The following CNTNAP2 variants were observed in gnomAD, a reference collection of about 807,000 sequenced individuals.
CNTNAP2 encodes contactin associated protein 2, also known as contactin-associated protein-like 2.
Under a neutral mutation model 155.2 loss-of-function variants are expected in CNTNAP2, and 98 were observed. That is an observed-to-expected ratio of 0.63 (90% CI 0.54 to 0.75). The LOEUF is 0.75. Among genes scored for constraint, CNTNAP2 ranks in the 30% least tolerant of loss-of-function variants. The pLI, the probability that CNTNAP2 is intolerant of heterozygous loss-of-function variation, is 0.00. For missense variants in CNTNAP2, 1,727 were observed against 1,688.1 expected (o/e 1.02, Z -0.40); for synonymous variants, 651 against 631.2 (o/e 1.03, Z -0.47).
chr7:146,875,235 C>G (rs58573270), intron 3 of CNTNAP2, among the ~76,000 whole-genome samples: 1 of 152,176 alleles, frequency 6.6e-6, no homozygotes, highest in South Asian at 2.1e-4. Flanking sequence ...ATTTGGTTCT[C>G]TACACAAACT....
chr7:146,859,580 G>A (rs1218452090), intron 3 of CNTNAP2, among the ~76,000 whole-genome samples: 6 of 151,998 alleles, frequency 3.9e-5, no homozygotes, highest in East Asian at 1.9e-4. Context: ...TCGCTTGAAC[G>A]CAGGAGGCAG....
chr7:148,283,114 C>A (rs1585240319), intron 21 of CNTNAP2, among the ~76,000 whole-genome samples: 2 of 149,782 alleles, frequency 1.3e-5, no homozygotes, highest in South Asian at 4.4e-4. Flanking sequence ...TGGCAGGCAC[C>A]TGTAAGCTCA....
At chr7:146,969,857 C>T (rs1373888779) in intron 3 of CNTNAP2, among the ~76,000 whole-genome samples, 2 of 152,100 alleles carry the variant, frequency 1.3e-5, no homozygotes, top group Admixed American at 6.6e-5. Context: ...GGTACCAAAA[C>T]AGAGATATAG....
At chr7:146,855,636 A>G (rs1216892997) in intron 3 of CNTNAP2, among the ~76,000 whole-genome samples, 5 of 151,790 alleles carry the variant, frequency 3.3e-5, no homozygotes, top group Non-Finnish European at 7.4e-5. Flanking sequence ...AAACGTATAT[A>G]TGGTTGAAGC....
At chr7:147,726,678 CT>C (rs1796650464) in intron 13 of CNTNAP2, among the ~76,000 whole-genome samples, 1 of 151,976 alleles carries the variant, frequency 6.6e-6, no homozygotes, top group Admixed American at 6.6e-5. Flanking sequence ...ATACTTCCCC[CT>C]TTAATCCCAG....
At chr7:146,502,273 T>C (rs1584953926) in intron 1 of CNTNAP2, among the ~76,000 whole-genome samples, 1 of 126,122 alleles carries the variant, frequency 7.9e-6, no homozygotes, top group South Asian at 2.3e-4. Context: ...CATATTTTCT[T>C]TATCCATTCA....
chr7:146,702,314 G>A (rs1255956341), intron 1 of CNTNAP2, among the ~76,000 whole-genome samples: 4 of 152,066 alleles, frequency 2.6e-5, no homozygotes, highest in African/African-American at 9.7e-5. Flanking sequence ...AAAAAATTAA[G>A]TATTCTATTA....
chr7:147,662,781 A>G (rs1269797052), intron 13 of CNTNAP2, among the ~76,000 whole-genome samples: 2 of 152,334 alleles, frequency 1.3e-5, no homozygotes, highest in East Asian at 3.9e-4. Context: ...TCTACAGGCT[A>G]GCTATTGGCC....
chr7:146,641,827 G>T (rs1799713434), intron 1 of CNTNAP2, among the ~76,000 whole-genome samples: 1 of 152,144 alleles, frequency 6.6e-6, no homozygotes, highest in Non-Finnish European at 1.5e-5. Flanking sequence ...GTCTATCAGT[G>T]AGCATATTAA....
In CNTNAP2 at chr7:146,605,159, A is replaced by G. The variant is rs116328411; in HGVS notation, c.98-169112A>G. Among the ~76,000 whole-genome samples, 739 of 150,638 alleles carry G rather than the reference A, an allele frequency of 4.9e-3. 20 individuals carry two copies. Among genetic ancestry groups the G allele is most frequent in the African/African-American group, 0.017 (681 of 41,250 alleles). On this transcript the variant is annotated intron_variant, in intron 1 of 23. Coordinates refer to ENST00000361727, the MANE Select transcript of CNTNAP2 (RefSeq NM_014141.6). Reference sequence around the variant, plus strand: ...CACTGTTTTTTAATAATTATTTTATATCCTTTCTAAACTGAAAGTTCCATG... The same window carrying G: ...CACTGTTTTTTAATAATTATTTTATGTCCTTTCTAAACTGAAAGTTCCATG...
At chr7:148,366,849 C>T (rs10277249) in intron 21 of CNTNAP2, among the ~76,000 whole-genome samples, 5 of 152,116 alleles carry the variant, frequency 3.3e-5, no homozygotes, top group Admixed American at 6.6e-5. Context: ...AACTTCAGGC[C>T]CTTCTTCAAA....
At chr7:147,760,242 C>G (rs200215772) in intron 13 of CNTNAP2, among the ~76,000 whole-genome samples, 2 of 149,346 alleles carry the variant, frequency 1.3e-5, no homozygotes, top group African/African-American at 5.0e-5. Context: ...TTGAGCTTCA[C>G]GGGAAAAAAA....
chr7:147,396,496 T>G, intron 10 of CNTNAP2, among the ~76,000 whole-genome samples: 1 of 152,034 alleles, frequency 6.6e-6, no homozygotes, highest in East Asian at 1.9e-4. Flanking sequence ...AAAATACACC[T>G]ATTAAAATAT....
intron 1 of CNTNAP2, among the ~76,000 whole-genome samples, chr7:146,471,633 CAAAT>C (rs1418711366): frequency 2.6e-5 from 4 of 152,178 alleles, no homozygotes; most frequent in Non-Finnish European, 5.9e-5. Flanking sequence ...GATTCAATAA[CAAAT>C]GAATGCTCAA....
chr7:148,387,518 C>T (rs1175535214), intron 22 of CNTNAP2, among the ~76,000 whole-genome samples: 1 of 152,154 alleles, frequency 6.6e-6, no homozygotes, highest in Non-Finnish European at 1.5e-5. Context: ...TAGATTATCT[C>T]ATCTGGTGCC....
chr7:147,377,068 G>A (rs4726851), intron 9 of CNTNAP2, among the ~76,000 whole-genome samples: 32,064 of 151,156 alleles, frequency 0.21, 4,240 homozygotes, highest in African/African-American at 0.35. Context: ...TTTCAGTATA[G>A]TATTTCTTAA....
At chr7:147,924,945 GTC>G (rs565979664) in intron 14 of CNTNAP2, among the ~76,000 whole-genome samples, 266 of 151,752 alleles carry the variant, frequency 1.8e-3, no homozygotes, top group African/African-American at 6.1e-3. Flanking sequence ...ATGAAATCCC[GTC>G]TCTACAAAAA....
chr7:146,782,977 C>T (rs1303382624), intron 2 of CNTNAP2, among the ~76,000 whole-genome samples: 1 of 152,018 alleles, frequency 6.6e-6, no homozygotes, highest in African/African-American at 2.4e-5. Flanking sequence ...TCATCTAAGA[C>T]AAAATATTAT....
chr7:147,584,696 A>G (rs1800582914), intron 12 of CNTNAP2, among the ~76,000 whole-genome samples: 1 of 152,216 alleles, frequency 6.6e-6, no homozygotes, highest in South Asian at 2.1e-4. Flanking sequence ...TAGCAGCACC[A>G]CTATTACCGA....
Sources: gnomAD v4.1 joint callset for allele counts (sites outside exome capture counted in the v4.1 genomes callset) on GRCh38, gnomAD v4.1.1 for gene constraint, MANE v1.5 for transcripts, NCBI Gene and HGNC (gene_info 2026-07-23, HGNC 2026-07-21) for gene names.